The following ABL1 variants were observed in gnomAD, a reference collection of about 807,000 sequenced individuals.
The protein encoded by ABL1 is ABL proto-oncogene 1, non-receptor tyrosine kinase.
A neutral mutation model predicts 94.7 loss-of-function variants in ABL1; 11 were observed. That is an observed-to-expected ratio of 0.12 (90% CI 0.07 to 0.19). The LOEUF is 0.19. Ranked by LOEUF, ABL1 falls within the 10% of genes least tolerant of loss-of-function variation. The pLI, the probability that ABL1 is intolerant of heterozygous loss-of-function variation, is 1.00. For missense variants in ABL1, 1,082 were observed against 1,489.4 expected, an observed-to-expected ratio of 0.73 and a Z score of 4.50; for synonymous variants, 656 against 622.4, an observed-to-expected ratio of 1.05 and a Z score of -0.80.
intron 1 of ABL1, among the ~76,000 whole-genome samples, chr9:130,746,106 C>T (rs888605098): frequency 2.6e-5 from 4 of 152,100 alleles, no homozygotes; most frequent in East Asian, 1.9e-4. Context: ...ACAGTATGAC[C>T]GCAGACACCA....
chr9:130,878,707 A>G (rs1831395063), intron 8 of ABL1, 140 bp downstream of exon 8: 2 of 1,038,822 alleles, frequency 1.9e-6, no homozygotes, highest in African/African-American at 1.6e-5. Flanking sequence ...TAATGTAGCC[A>G]TTTGCTACCT....
intron 1 of ABL1, among the ~76,000 whole-genome samples, chr9:130,800,276 T>C (rs1315439897): frequency 1.3e-5 from 2 of 152,122 alleles, no homozygotes. Context: ...ACATATAATA[T>C]CCACCCATTT....
At chr9:130,881,337 A>C (rs1223017541) in intron 10 of ABL1, among the ~76,000 whole-genome samples, 1 of 152,162 alleles carries the variant, frequency 6.6e-6, no homozygotes, top group East Asian at 1.9e-4. Flanking sequence ...GGGGTGTATT[A>C]GTCTGTTTTC....
intron 1 of ABL1, among the ~76,000 whole-genome samples, chr9:130,844,924 A>G (rs1017489555): frequency 1.3e-5 from 2 of 152,230 alleles, no homozygotes; most frequent in Non-Finnish European, 2.9e-5. Context: ...GTAAGAGGTT[A>G]GTGAAATAAA....
rs147016205 is a variant in ABL1, at chr9:130,773,965, C to G, written c.136+59510C>G. 2.0e-4 allele frequency among the ~76,000 whole-genome samples: 30 copies of G among 152,242 alleles called. 1 individual carries two copies. The East Asian group carries it at 5.8e-3, about 29-fold the overall frequency. The stretch of plus-strand genomic sequence containing the variant: ...ATTCTTCCCTGATTTACCTCCTTCC[C>G]GGTCCAATACTTACCTGTTTTCTGT... On this transcript the variant is annotated intron_variant, in intron 1 of 10. Coordinates refer to the ABL1 transcript ENST00000372348.
At chr9:130,726,234 A>G (rs903088512) in intron 1 of ABL1, among the ~76,000 whole-genome samples, 2 of 140,798 alleles carry the variant, frequency 1.4e-5, no homozygotes, top group Non-Finnish European at 3.0e-5. Context: ...ATGAATGATC[A>G]CAAATGAATA....
At chr9:130,753,097 A>T (rs1178388656) in intron 1 of ABL1, among the ~76,000 whole-genome samples, 3 of 151,842 alleles carry the variant, frequency 2.0e-5, no homozygotes, top group Non-Finnish European at 2.9e-5. Flanking sequence ...TCTACCAAAA[A>T]TACAAAAAAA....
rs776029514 is a variant in ABL1 at position 130,887,148 on chromosome 9, G to A, written c.*1465G>A. On this transcript the variant is annotated 3_prime_UTR_variant, in exon 11 of 11. Coordinates refer to ENST00000318560, the MANE Select transcript of ABL1 (RefSeq NM_005157.6). ...GTGGCCGCCCCTGAGGCTTCACGCCGGGAGAAGCCACCTTCCCACCCCTTC... is the reference window on the plus strand; with the variant it reads ...GTGGCCGCCCCTGAGGCTTCACGCCAGGAGAAGCCACCTTCCCACCCCTTC... 15 of 233,146 alleles carry A rather than the reference G, an allele frequency of 6.4e-5. No individual in the cohort carries two copies. Among genetic ancestry groups the A allele is most frequent in the South Asian group, 1.8e-4 (1 of 5,538 alleles). The allele number at this position is 233,146 out of a possible 1,614,324, so 14.4% of individuals were successfully genotyped here. A position where few individuals can be genotyped will look rare whatever the true frequency, so the allele number is the denominator to read the frequency against.
At chr9:130,836,682 G>A (rs1377123929) in intron 1 of ABL1, among the ~76,000 whole-genome samples, 2 of 151,922 alleles carry the variant, frequency 1.3e-5, no homozygotes, top group Non-Finnish European at 2.9e-5. Context: ...AAAATTAGCC[G>A]GGCGTGGTGG....
rs768804405 is a variant in ABL1 at position 130,714,468 on chromosome 9, C to A, written c.136+13C>A. On this transcript the variant is annotated intron_variant, in intron 1 of 10. Transcript: ENST00000372348. Reference sequence around the variant, plus strand: ...TTTGTGGAACATGGTGAGTGCTTTTCAAAATTTCTGCTCATGGTTTTCCTC... The same window carrying A: ...TTTGTGGAACATGGTGAGTGCTTTTAAAAATTTCTGCTCATGGTTTTCCTC... The A allele has an allele frequency of 2.5e-5, 41 of 1,614,024 alleles. No individual in the cohort carries two copies. Among genetic ancestry groups the A allele is most frequent in the Non-Finnish European group, 3.1e-5 (37 of 1,180,030 alleles).
At chr9:130,829,006 A>AG (rs1219487591) in intron 1 of ABL1, among the ~76,000 whole-genome samples, 1 of 152,178 alleles carries the variant, frequency 6.6e-6, no homozygotes, top group South Asian at 2.1e-4. Flanking sequence ...GTTTCCAAAG[A>AG]GAAAAAAAGC....
At chr9:130,856,763 C>T (rs1448997636) in intron 3 of ABL1, among the ~76,000 whole-genome samples, 1 of 152,120 alleles carries the variant, frequency 6.6e-6, no homozygotes, top group East Asian at 1.9e-4. Context: ...ATGCTTCTCC[C>T]GTGTGATAAT....
intron 10 of ABL1, among the ~76,000 whole-genome samples, chr9:130,883,317 G>T (rs1470494522): frequency 6.6e-6 from 1 of 152,142 alleles, no homozygotes; most frequent in African/African-American, 2.4e-5. Flanking sequence ...AACCAACATG[G>T]TGAAACCCCG....
At chr9:130,789,692 G>A (rs1008055047) in intron 1 of ABL1, among the ~76,000 whole-genome samples, 9 of 152,178 alleles carry the variant, frequency 5.9e-5, no homozygotes, top group Admixed American at 4.6e-4. Context: ...TATGAGGAAA[G>A]AGAGAGATAC....
chr9:130,745,778 C>T (rs900238948), intron 1 of ABL1, among the ~76,000 whole-genome samples: 3 of 151,858 alleles, frequency 2.0e-5, no homozygotes, highest in African/African-American at 4.8e-5. Flanking sequence ...TTATTAAAGT[C>T]CTGCTTACTT....
chr9:130,730,347 C>T (rs551564972), intron 1 of ABL1, among the ~76,000 whole-genome samples: 92 of 151,874 alleles, frequency 6.1e-4, no homozygotes, highest in Admixed American at 3.6e-3. Context: ...TAGCCTCCGG[C>T]CAGACTTTTA....
At chr9:130,736,687 C>G (rs1831748598) in intron 1 of ABL1, among the ~76,000 whole-genome samples, 1 of 152,122 alleles carries the variant, frequency 6.6e-6, no homozygotes, top group Admixed American at 6.5e-5. Context: ...GACGGGGTTT[C>G]TCCATGTTGG....
At chr9:130,851,130 T>C (rs943811200) in intron 1 of ABL1, among the ~76,000 whole-genome samples, 30 of 152,118 alleles carry the variant, frequency 2.0e-4, no homozygotes, top group Non-Finnish European at 4.0e-4. Context: ...TTCACCGTGT[T>C]AGTCAGGATG....
intron 4 of ABL1, among the ~76,000 whole-genome samples, chr9:130,870,163 AG>A (rs1187980538): frequency 1.3e-5 from 2 of 152,204 alleles, no homozygotes; most frequent in Non-Finnish European, 2.9e-5. Context: ...TGATTCCAGC[AG>A]GGGGAGACAA....
Sources: allele counts gnomAD v4.1 joint callset (sites outside exome capture counted in the v4.1 genomes callset), GRCh38; gene constraint gnomAD v4.1.1; transcripts MANE v1.5; gene names NCBI Gene and HGNC (gene_info 2026-07-23, HGNC 2026-07-21).